Variants in ANKRD11 observed in about 807,000 individuals in gnomAD.
ANKRD11 encodes the protein ankyrin repeat domain-containing protein 11.
In ANKRD11, 17 loss-of-function variants were observed where a neutral mutation model predicts 195.7. The observed-to-expected ratio is 0.09, with a 90% CI of 0.06 to 0.13. The LOEUF is 0.13. ANKRD11 is among the 10% of genes least tolerant of loss of function. ANKRD11 has a pLI of 1.00. For synonymous variants in ANKRD11, 1,953 were observed against 1,528.1 expected (o/e 1.28, Z -6.49); for missense variants, 3,735 against 3,566.1 (o/e 1.05, Z -1.21).
chr16:89,386,491 G>A (rs951349954), intron 2 of ANKRD11, among the ~76,000 whole-genome samples: 3 of 152,134 alleles, frequency 2.0e-5, no homozygotes, highest in Admixed American at 6.5e-5. Context: ...GATAGAACCC[G>A]GCACACAGCA....
rs769651265 is a variant in ANKRD11 at position 89,283,645 on chromosome 16, GCCCTGCCGT to G, written c.2888_2896del (p.Asp963_Arg965del). ...CTCCCGGTGCGCCTCCTCGGGCTTG[GCCCTGCCGT>G]CCCTGCGCTCCTTGCAGCTCTCCAG... is the stretch of plus-strand genomic sequence containing the variant. On this transcript the variant is annotated inframe_deletion, in exon 9 of 13. Coordinates refer to ENST00000301030, the MANE Select transcript of ANKRD11 (RefSeq NM_013275.6). This position sits in a 1 kb window ranked among gnomAD's most constrained non-coding sequence, Gnocchi z 4.3. The G allele has an allele frequency of 1.9e-6, 3 of 1,611,012 alleles. No homozygotes were observed. Among genetic ancestry groups the G allele is most frequent in the Admixed American group, 1.7e-5 (1 of 60,018 alleles).
Position 89,270,901 on chromosome 16 carries a change from C to T in ANKRD11, c.7722G>A (p.Glu2574=), listed in dbSNP as rs2033091368. The T allele has an allele frequency of 1.2e-6, 2 of 1,614,000 alleles. No individual in the cohort carries two copies. Among genetic ancestry groups the T allele is most frequent in the Admixed American group, 1.7e-5 (1 of 60,024 alleles). Residue 2574 remains glutamate (E), a synonymous_variant, in exon 12 of 13, where the codon GAG becomes GAA. Coordinates refer to ENST00000301030, the MANE Select transcript of ANKRD11 (RefSeq NM_013275.6). Reference sequence around the variant, plus strand: ...TGAAACGGTCGCGCACTGACTTGTTCTCGTCACCCTGTGGAAACCAAACAC... The same window carrying T: ...TGAAACGGTCGCGCACTGACTTGTTTTCGTCACCCTGTGGAAACCAAACAC... ...YNMPLESQGD[E]NKSVRDRFNA...
intron 1 of ANKRD11, among the ~76,000 whole-genome samples, chr16:89,460,056 T>G (rs1382679298): frequency 6.6e-6 from 1 of 151,902 alleles, no homozygotes; most frequent in Non-Finnish European, 1.5e-5. Flanking sequence ...CCCAACATGG[T>G]GAAACTCCGT....
intron 1 of ANKRD11, among the ~76,000 whole-genome samples, chr16:89,456,517 T>A (rs1426263250): frequency 2.1e-5 from 3 of 143,084 alleles, no homozygotes; most frequent in Non-Finnish European, 4.5e-5. Context: ...CACTCCAGGC[T>A]GGGTGACAGA....
chr16:89,280,700 C>G lies in ANKRD11; in HGVS notation c.5842G>C (p.Val1948Leu). 6 of 1,613,248 alleles carry G rather than the reference C, an allele frequency of 3.7e-6. No homozygotes were observed. The highest frequency in any genetic ancestry group is 4.2e-6 in the Non-Finnish European group (5 of 1,179,852). ...PFSAVITEEP[V>L]EWAHPSEQAL... is the part of the protein sequence containing the mutation. Reference sequence around the variant, plus strand: ...TGCTCGGAGGGGTGGGCCCACTCAACGGGCTCCTCGGTGATGACGGCGCTG... The same window carrying G: ...TGCTCGGAGGGGTGGGCCCACTCAAGGGGCTCCTCGGTGATGACGGCGCTG... Residue 1948 changes from valine to leucine, a missense_variant, in exon 9 of 13, where the codon GTT becomes CTT. Coordinates refer to ENST00000301030, the MANE Select transcript of ANKRD11 (RefSeq NM_013275.6).
At chr16:89,419,121 A>C (rs1191630810) in intron 1 of ANKRD11, among the ~76,000 whole-genome samples, 1 of 152,208 alleles carries the variant, frequency 6.6e-6, no homozygotes, top group African/African-American at 2.4e-5. Flanking sequence ...TGAGTATTTT[A>C]AGAGGAAAAG....
At chr16:89,379,615 G>C (rs2040561200) in intron 2 of ANKRD11, among the ~76,000 whole-genome samples, 1 of 152,198 alleles carries the variant, frequency 6.6e-6, no homozygotes, top group Non-Finnish European at 1.5e-5. Context: ...GCTCCAACTT[G>C]AGCTTACAGT....
intron 2 of ANKRD11, among the ~76,000 whole-genome samples, chr16:89,384,565 C>G (rs1215613584): frequency 7.0e-6 from 1 of 142,592 alleles, no homozygotes; most frequent in Non-Finnish European, 1.6e-5. Context: ...GGGAATGGGA[C>G]AGGATGGGAC....
Position 89,284,808 on chromosome 16 carries a change from G to A in ANKRD11, c.1734C>T (p.Asp578=), listed in dbSNP as rs1401990591. 6.2e-7 allele frequency: 1 copy of A among 1,613,760 alleles called. No homozygotes were observed. ...STRTRLTSES[D]YSSEGSSVES... Reference sequence around the variant, plus strand: ...CCACACTGGAGCCCTCAGAGGAGTAGTCAGACTCGCTTGTCAGTCTCGTCC... The same window carrying A: ...CCACACTGGAGCCCTCAGAGGAGTAATCAGACTCGCTTGTCAGTCTCGTCC... Residue 578 remains aspartate, a synonymous_variant, in exon 9 of 13, where the codon GAC becomes GAT. Transcript: ENST00000301030.
chr16:89,432,380 C>G (rs1330199757), intron 1 of ANKRD11, among the ~76,000 whole-genome samples: 1 of 152,086 alleles, frequency 6.6e-6, no homozygotes, highest in Non-Finnish European at 1.5e-5. Context: ...GACCTCAGGA[C>G]CCATCGCCGT....
At chr16:89,484,511 TG>T (rs1156405980) in intron 1 of ANKRD11, among the ~76,000 whole-genome samples, 5 of 152,200 alleles carry the variant, frequency 3.3e-5, no homozygotes, top group African/African-American at 1.2e-4. Flanking sequence ...TCCCTTTACT[TG>T]GAAATACTGC....
At chr16:89,383,778 C>T (rs1473535985) in intron 2 of ANKRD11, among the ~76,000 whole-genome samples, 1 of 152,180 alleles carries the variant, frequency 6.6e-6, no homozygotes, top group Non-Finnish European at 1.5e-5. Flanking sequence ...CAAGAAGGCC[C>T]AATGCCAAGA....
chr16:89,408,247 G>A (rs2041986330), intron 2 of ANKRD11, among the ~76,000 whole-genome samples: 1 of 152,264 alleles, frequency 6.6e-6, no homozygotes, highest in African/African-American at 2.4e-5. Context: ...TCCCTCAGAA[G>A]CCCAGTTCTC....
At chr16:89,353,541 A>C (rs146009199) in intron 2 of ANKRD11, among the ~76,000 whole-genome samples, 1 of 151,228 alleles carries the variant, frequency 6.6e-6, no homozygotes, top group African/African-American at 2.4e-5. Context: ...ACAGTGGTGC[A>C]ATCTCGGCTC....
intron 2 of ANKRD11, among the ~76,000 whole-genome samples, chr16:89,341,811 G>C (rs976389915): frequency 5.3e-5 from 8 of 150,632 alleles, no homozygotes; most frequent in African/African-American, 7.5e-5. Context: ...GGCACGGATG[G>C]ACCAGCCCAC....
chr16:89,476,051 CAAAAAAAA>C (rs558174138), intron 1 of ANKRD11, among the ~76,000 whole-genome samples: 2 of 66,246 alleles, frequency 3.0e-5, no homozygotes, highest in Non-Finnish European at 6.0e-5. Flanking sequence ...GACTGTGTCT[CAAAAAAAA>C]AAAAAAAGAA....
intron 2 of ANKRD11, among the ~76,000 whole-genome samples, chr16:89,387,860 C>T (rs2040991293): frequency 6.6e-6 from 1 of 151,058 alleles, no homozygotes; most frequent in African/African-American, 2.4e-5. Flanking sequence ...AAAAAATTAG[C>T]CAGGCGTGGT....
intron 2 of ANKRD11, among the ~76,000 whole-genome samples, chr16:89,356,128 G>A (rs554024610): frequency 6.6e-6 from 1 of 152,348 alleles, no homozygotes; most frequent in South Asian, 2.1e-4. Flanking sequence ...CTATGAACTA[G>A]TGCTTTTCAC....
chr16:89,320,748 C>G (rs895926391), intron 2 of ANKRD11, among the ~76,000 whole-genome samples: 4 of 152,256 alleles, frequency 2.6e-5, no homozygotes, highest in African/African-American at 9.6e-5. Flanking sequence ...AGACACAACT[C>G]AGCCCAGCGG....
Sources: gnomAD v4.1 joint callset for allele counts (sites outside exome capture counted in the v4.1 genomes callset) on GRCh38, gnomAD v4.1.1 for gene constraint, Gnocchi (gnomAD v3.1) non-coding constraint, MANE v1.5 for transcripts, NCBI Gene and HGNC (gene_info 2026-07-23, HGNC 2026-07-21) for gene names.